Variants in SLC35F4 observed in about 807,000 individuals in gnomAD.
SLC35F4 encodes solute carrier family 35 member F4.
SLC35F4 carries 24 observed loss-of-function variants against 44.2 expected under a neutral mutation model. The observed-to-expected ratio is 0.54, with a 90% CI of 0.39 to 0.76. SLC35F4 has a LOEUF of 0.76. Ranked by LOEUF, SLC35F4 falls within the 30% of genes least tolerant of loss-of-function variation. The pLI is 0.00. For synonymous variants in SLC35F4, 238 were observed against 223.6 expected, an observed-to-expected ratio of 1.06 and a Z score of -0.57; for missense variants, 562 against 586.1, an observed-to-expected ratio of 0.96 and a Z score of 0.42.
rs1019001091 is a variant in SLC35F4, at chr14:57,699,338, T to C, written c.104-105214A>G. 2.6e-5 allele frequency among the ~76,000 whole-genome samples: 4 copies of C among 152,184 alleles called. No homozygotes were observed. In the East Asian group the frequency reaches 7.7e-4, roughly 29 times the overall value. ...GTTTAGGAAGGTGATGAATATGTCATGAAGAGGCCCCCAAGCTTTTATTTT... is the reference window on the plus strand; with the variant it reads ...GTTTAGGAAGGTGATGAATATGTCACGAAGAGGCCCCCAAGCTTTTATTTT... On this transcript the variant is annotated intron_variant, in intron 1 of 7. Coordinates refer to ENST00000556826, the MANE Select transcript of SLC35F4 (RefSeq NM_001306087.2).
At chr14:57,589,957 G>A (rs965461509) in intron 2 of SLC35F4, among the ~76,000 whole-genome samples, 1 of 152,176 alleles carries the variant, frequency 6.6e-6, no homozygotes, top group Non-Finnish European at 1.5e-5. Context: ...TCATTTCAAA[G>A]TAGAACGCCA....
chr14:57,573,845 C>T (rs1040777457), intron 4 of SLC35F4, among the ~76,000 whole-genome samples: 3 of 152,156 alleles, frequency 2.0e-5, no homozygotes, highest in East Asian at 1.9e-4. Flanking sequence ...TTTGAGTTAA[C>T]GTTTGTTTTC....
At chr14:57,572,519 ACTT>A (rs2068566057) in intron 4 of SLC35F4, among the ~76,000 whole-genome samples, 1 of 149,606 alleles carries the variant, frequency 6.7e-6, no homozygotes, top group Non-Finnish European at 1.5e-5. Flanking sequence ...TAAGAGGCAA[ACTT>A]CAGGCCAATG....
intron 1 of SLC35F4, among the ~76,000 whole-genome samples, chr14:57,838,996 C>T (rs116769330): frequency 0.019 from 2,893 of 152,202 alleles, 100 homozygotes; most frequent in African/African-American, 0.066. Context: ...ATTGCCATAC[C>T]GGTACCCATA....
chr14:57,961,320 G>A (rs1890336183), intron 1 of SLC35F4, among the ~76,000 whole-genome samples: 1 of 152,126 alleles, frequency 6.6e-6, no homozygotes, highest in Admixed American at 6.5e-5. Context: ...TATCAGAGGA[G>A]GAAAGGGAAA....
At chr14:57,581,807 C>T (rs1278151709) in intron 3 of SLC35F4, among the ~76,000 whole-genome samples, 2 of 152,228 alleles carry the variant, frequency 1.3e-5, no homozygotes, top group Non-Finnish European at 2.9e-5. Flanking sequence ...AAGGCTGCTA[C>T]TACTCTGTGA....
intron 1 of SLC35F4, among the ~76,000 whole-genome samples, chr14:57,616,427 T>C (rs536501509): frequency 2.6e-5 from 4 of 152,334 alleles, no homozygotes; most frequent in Non-Finnish European, 4.4e-5. Flanking sequence ...ACAATCAAAG[T>C]TGTGAATGTT....
chr14:57,735,095 C>A (rs2076431099), intron 1 of SLC35F4, among the ~76,000 whole-genome samples: 1 of 151,670 alleles, frequency 6.6e-6, no homozygotes, highest in Admixed American at 6.6e-5. Flanking sequence ...ATACAAAATA[C>A]AACAGGATGA....
intron 1 of SLC35F4, among the ~76,000 whole-genome samples, chr14:57,815,199 A>G (rs115630817): frequency 6.6e-6 from 1 of 152,212 alleles, no homozygotes; most frequent in African/African-American, 2.4e-5. Context: ...GGATACCAAC[A>G]TCTCAGTGAC....
intron 1 of SLC35F4, among the ~76,000 whole-genome samples, chr14:57,814,255 A>T (rs1013314714): frequency 6.6e-6 from 1 of 152,230 alleles, no homozygotes; most frequent in African/African-American, 2.4e-5. Context: ...CATATTTAAT[A>T]AAGATTTACT....
In SLC35F4 at chr14:57,663,532, C is replaced by A. The variant is rs866239965; in HGVS notation, c.104-69408G>T. Among the ~76,000 whole-genome samples, 5 of 152,266 alleles carry A rather than the reference C, an allele frequency of 3.3e-5. No individual in the cohort carries two copies. In the South Asian group the frequency reaches 1.0e-3, roughly 32 times the overall value. Reference sequence around the variant, plus strand: ...GGAAGCACCAGTGGGAGCCACCAAACAAGAGATTTGTCTTTATAGCACAGA... The same window carrying A: ...GGAAGCACCAGTGGGAGCCACCAAAAAAGAGATTTGTCTTTATAGCACAGA... On this transcript the variant is annotated intron_variant, in intron 1 of 7. Coordinates refer to ENST00000556826, the MANE Select transcript of SLC35F4 (RefSeq NM_001306087.2).
intron 1 of SLC35F4, among the ~76,000 whole-genome samples, chr14:57,686,012 A>G (rs1466711100): frequency 6.6e-6 from 1 of 152,110 alleles, no homozygotes; most frequent in East Asian, 1.9e-4. Flanking sequence ...GATCTTCAAC[A>G]CATGTGACAT....
intron 1 of SLC35F4, among the ~76,000 whole-genome samples, chr14:57,921,013 T>A (rs1310369205): frequency 2.0e-5 from 3 of 152,222 alleles, no homozygotes; most frequent in Non-Finnish European, 4.4e-5. Context: ...TGATTTCATG[T>A]TAATGTGTTC....
intron 1 of SLC35F4, among the ~76,000 whole-genome samples, chr14:57,887,735 A>T (rs1888679807): frequency 6.6e-6 from 1 of 152,170 alleles, no homozygotes. Flanking sequence ...CAAGGTAAGG[A>T]TTAGCAGAGC....
At chr14:57,580,491 T>C in intron 4 of SLC35F4, 1 of 366,934 alleles carries the variant, frequency 2.7e-6, no homozygotes, top group Non-Finnish European at 5.2e-6. Context: ...GCATGCCGGA[T>C]TATATGAATG....
intron 1 of SLC35F4, among the ~76,000 whole-genome samples, chr14:57,697,289 T>A (rs563333061): frequency 6.6e-5 from 10 of 152,188 alleles, no homozygotes; most frequent in Non-Finnish European, 1.0e-4. Context: ...TGTCTTTTTG[T>A]TATTTCTATT....
intron 1 of SLC35F4, among the ~76,000 whole-genome samples, chr14:57,911,073 C>A (rs1029280469): frequency 6.6e-6 from 1 of 151,886 alleles, no homozygotes; most frequent in East Asian, 1.9e-4. Context: ...TCTACTTGTT[C>A]ATTTGCTGGT....
chr14:57,882,216 G>C (rs975697929), intron 1 of SLC35F4, among the ~76,000 whole-genome samples: 1 of 152,142 alleles, frequency 6.6e-6, no homozygotes, highest in Non-Finnish European at 1.5e-5. Context: ...GAACTCCTGA[G>C]TCCCTTCCAT....
intron 1 of SLC35F4, among the ~76,000 whole-genome samples, chr14:57,691,051 T>C (rs915296366): frequency 1.3e-5 from 2 of 152,126 alleles, no homozygotes; most frequent in African/African-American, 4.8e-5. Flanking sequence ...CCCTAGACTG[T>C]GACCTACAAA....
Sources: allele counts gnomAD v4.1 joint callset (sites outside exome capture counted in the v4.1 genomes callset), GRCh38; gene constraint gnomAD v4.1.1; transcripts MANE v1.5; gene names NCBI Gene and HGNC (gene_info 2026-07-23, HGNC 2026-07-21).